Variants in SLC13A1 observed in about 807,000 individuals in gnomAD.
SLC13A1 encodes solute carrier family 13 member 1, also known as Na(+)/sulfate cotransporter.
Under a neutral mutation model 70.0 loss-of-function variants are expected in SLC13A1, and 65 were observed. That is an observed-to-expected ratio of 0.93 (90% CI 0.76 to 1.14). The LOEUF (loss-of-function observed/expected upper bound fraction) is 1.14, where lower values mean the gene tolerates loss of function less well. SLC13A1 is among the 50% of genes most tolerant of loss of function. The pLI is 0.00. For synonymous variants in SLC13A1, 275 were observed against 250.5 expected, an observed-to-expected ratio of 1.10 and a Z score of -0.92; for missense variants, 726 against 717.8, an observed-to-expected ratio of 1.01 and a Z score of -0.13.
chr7:123,175,352 A>G (rs1043293234), intron 2 of SLC13A1, among the ~76,000 whole-genome samples: 14 of 152,272 alleles, frequency 9.2e-5, no homozygotes, highest in Middle Eastern at 3.4e-3. Context: ...ATTATTGAAA[A>G]ATGAATAAAG....
At chr7:123,129,940 T>C (rs1395653602) in intron 8 of SLC13A1, among the ~76,000 whole-genome samples, 1 of 152,202 alleles carries the variant, frequency 6.6e-6, no homozygotes, top group African/African-American at 2.4e-5. Context: ...GCAAGGACAG[T>C]GAGGTGGTCA....
rs945287875 is a variant in SLC13A1 at position 123,114,509 on chromosome 7, T to A, written c.*1009A>T. 31 of 152,158 alleles carry A rather than the reference T, an allele frequency of 2.0e-4. No individual in the cohort carries two copies. The highest frequency in any genetic ancestry group is 6.5e-4 in the African/African-American group (27 of 41,444). The allele number at this position is 152,158 out of a possible 1,614,324, so 9.4% of individuals were successfully genotyped here. On this transcript the variant is annotated 3_prime_UTR_variant, in exon 15 of 15. Coordinates refer to ENST00000194130, the MANE Select transcript of SLC13A1 (RefSeq NM_022444.4). ...ATACGTCAGCAGTTTTCATTCTTAT[T>A]CTTTTTTCCTTCTTTTTTTCATTTT...
At chr7:123,121,968 G>T (rs570314380) in intron 12 of SLC13A1, among the ~76,000 whole-genome samples, 1 of 152,126 alleles carries the variant, frequency 6.6e-6, no homozygotes, top group Admixed American at 6.6e-5. Context: ...GTAGACATTT[G>T]GCTCTGTATA....
chr7:123,118,949 C>T, intron 13 of SLC13A1, 132 bp downstream of exon 13: 1 of 642,948 alleles, frequency 1.6e-6, no homozygotes, highest in Non-Finnish European at 2.5e-6. Flanking sequence ...CAAATAAAGA[C>T]CACCCTGTAA....
chr7:123,158,685 C>T (rs1180003169), intron 6 of SLC13A1, among the ~76,000 whole-genome samples: 2 of 151,224 alleles, frequency 1.3e-5, no homozygotes, highest in African/African-American at 2.4e-5. Flanking sequence ...TTAAAGCAAC[C>T]AAAGAGAAAA....
At chr7:123,181,714 G>A (rs557168796) in intron 1 of SLC13A1, among the ~76,000 whole-genome samples, 1 of 152,238 alleles carries the variant, frequency 6.6e-6, no homozygotes, top group African/African-American at 2.4e-5. Context: ...ATAGGTTCAT[G>A]TTTTAGGGCA....
At chr7:123,115,792 C>T (rs1374848520) in intron 14 of SLC13A1, 137 bp from the exon 15 acceptor site, 10 of 876,664 alleles carry the variant, frequency 1.1e-5, no homozygotes, top group South Asian at 1.8e-5. Context: ...TTAAATTATA[C>T]TTTAAGTTCT....
At position 123,128,947 on chromosome 7, in the gene SLC13A1, C is replaced by T; in HGVS notation, c.1032-1G>A. The T allele has an allele frequency of 3.1e-6, 5 of 1,605,568 alleles. No homozygotes were observed. The highest frequency in any genetic ancestry group is 4.3e-6 in the Non-Finnish European group (5 of 1,172,836). ...GACCAAGGTCACAATTTCTTGATAC[C>T]TGTGGAAAAATTCCAATGGCATCAC... On this transcript the variant is annotated splice_acceptor_variant, in intron 9 of 14. Coordinates refer to ENST00000194130, the MANE Select transcript of SLC13A1 (RefSeq NM_022444.4). LOFTEE classifies it high-confidence loss of function.
chr7:123,121,180 C>T (rs781418811), intron 12 of SLC13A1, among the ~76,000 whole-genome samples: 4 of 151,966 alleles, frequency 2.6e-5, no homozygotes, highest in South Asian at 2.1e-4. Context: ...TTTTCTATCA[C>T]GGAGGACAGA....
intron 14 of SLC13A1, among the ~76,000 whole-genome samples, chr7:123,116,219 T>C (rs1396166975): frequency 6.6e-6 from 1 of 152,194 alleles, no homozygotes; most frequent in East Asian, 1.9e-4. Context: ...TGGTTTTAGC[T>C]CTTATATCAT....
At chr7:123,171,711 C>G in intron 3 of SLC13A1, 57 bp downstream of exon 3, 1 of 1,560,298 alleles carries the variant, frequency 6.4e-7, no homozygotes, top group Non-Finnish European at 8.8e-7. Flanking sequence ...ATTATTTGCT[C>G]TGCACAAAAA....
At chr7:123,177,902 T>G (rs1005663401) in intron 2 of SLC13A1, among the ~76,000 whole-genome samples, 2 of 152,200 alleles carry the variant, frequency 1.3e-5, no homozygotes, top group African/African-American at 2.4e-5. Context: ...AGACAGGAAA[T>G]ATTTTGCCTG....
chr7:123,127,483 G>C (rs1279906095), intron 10 of SLC13A1, among the ~76,000 whole-genome samples: 1 of 151,980 alleles, frequency 6.6e-6, no homozygotes, highest in African/African-American at 2.4e-5. Flanking sequence ...ATTTTAAAAG[G>C]GGGAAGCATT....
intron 12 of SLC13A1, among the ~76,000 whole-genome samples, chr7:123,122,924 C>G (rs1229355646): frequency 6.6e-6 from 1 of 152,038 alleles, no homozygotes; most frequent in Admixed American, 6.6e-5. Context: ...ACCATAAAAA[C>G]TATGTTTTAT....
chr7:123,159,942 T>C (rs1794832280), intron 6 of SLC13A1, among the ~76,000 whole-genome samples: 1 of 151,782 alleles, frequency 6.6e-6, no homozygotes, highest in South Asian at 2.1e-4. Flanking sequence ...TAAAAGCTGG[T>C]AGTGTCATAA....
At chr7:123,146,323 G>A (rs1794349213) in intron 7 of SLC13A1, among the ~76,000 whole-genome samples, 1 of 152,106 alleles carries the variant, frequency 6.6e-6, no homozygotes, top group African/African-American at 2.4e-5. Context: ...TCAGGAGTTT[G>A]AGACCAGCCT....
At chr7:123,190,720 T>C in intron 1 of SLC13A1, 1 of 427,890 alleles carries the variant, frequency 2.3e-6, no homozygotes, top group Non-Finnish European at 4.7e-6. Flanking sequence ...TGTCTAAGAC[T>C]CATCTTTGAC....
At position 123,114,671 on chromosome 7, in the gene SLC13A1, C is replaced by CA. The variant is rs1793121588; in HGVS notation, c.*846dup. The CA allele has an allele frequency of 6.6e-6, 1 of 152,030 alleles. No individual in the cohort carries two copies. Among genetic ancestry groups the CA allele is most frequent in the Non-Finnish European group, 1.5e-5 (1 of 68,000 alleles). 9.4% of individuals were successfully genotyped at this position (152,030 alleles called of 1,614,324 possible). A position where few individuals can be genotyped will look rare whatever the true frequency, so the allele number is the denominator to read the frequency against. On this transcript the variant is annotated 3_prime_UTR_variant, in exon 15 of 15. Coordinates refer to ENST00000194130, the MANE Select transcript of SLC13A1 (RefSeq NM_022444.4). The stretch of plus-strand genomic sequence containing the variant: ...TTCTGAACTAAGATAAACACTTAAG[C>CA]AAAGTTGTTACTCATATACGAAAAT...
At chr7:123,132,348 A>G (rs1013754497) in intron 8 of SLC13A1, among the ~76,000 whole-genome samples, 1 of 152,128 alleles carries the variant, frequency 6.6e-6, no homozygotes, top group Non-Finnish European at 1.5e-5. Flanking sequence ...GCATGGAACC[A>G]CTACTGATTT....
Sources: gnomAD v4.1 joint callset for allele counts (sites outside exome capture counted in the v4.1 genomes callset) on GRCh38, gnomAD v4.1.1 for gene constraint, MANE v1.5 for transcripts, NCBI Gene and HGNC (gene_info 2026-07-23, HGNC 2026-07-21) for gene names.